TCF23: variants seen among roughly 807,000 people sequenced by gnomAD.
TCF23 encodes transcription factor 23, also known as class A basic helix-loop-helix protein 24.
In TCF23, 7 loss-of-function variants were observed where a neutral mutation model predicts 13.0. That is an observed-to-expected ratio of 0.54 (90% CI 0.31 to 1.01). The LOEUF (loss-of-function observed/expected upper bound fraction) is 1.01, where lower values mean the gene tolerates loss of function less well. TCF23 is among the 50% of genes least tolerant of loss of function. The pLI, the probability that TCF23 is intolerant of heterozygous loss-of-function variation, is 0.06. For missense variants in TCF23, 257 were observed against 289.8 expected (o/e 0.89, Z 0.82); for synonymous variants, 122 against 119.5 (o/e 1.02, Z -0.14).
chr2:27,149,940 C>G, intron 1 of TCF23, 183 bp from the exon 2 acceptor site: 1 of 1,007,254 alleles, frequency 9.9e-7, no homozygotes, highest in East Asian at 2.6e-5. Context: ...GCCAGGCCTT[C>G]CCCCAACTTC....
chr2:27,156,021 G>A lies in TCF23; in HGVS notation c.*3154G>A, dbSNP rs977435540. The A allele has an allele frequency of 1.3e-5, 2 of 152,264 alleles. No individual in the cohort carries two copies. The highest frequency in any genetic ancestry group is 4.8e-5 in the African/African-American group (2 of 41,420). The allele number at this position is 152,264 out of a possible 1,614,324, so 9.4% of individuals were successfully genotyped here. A position where few individuals can be genotyped will look rare whatever the true frequency, so the allele number is the denominator to read the frequency against. ...TTCTGAGGAACAGGATGGCAGGGTG[G>A]AGGCTTAGATGGGGCTGTGGGGCTG... On this transcript the variant is annotated 3_prime_UTR_variant, in exon 3 of 3. Coordinates refer to ENST00000296096, the MANE Select transcript of TCF23 (RefSeq NM_175769.3).
Position 27,149,108 on chromosome 2 carries a change from G to A in TCF23, c.-26G>A. 6.5e-7 allele frequency: 1 copy of A among 1,546,624 alleles called. No individual in the cohort carries two copies. On this transcript the variant is annotated 5_prime_UTR_variant, in exon 1 of 3. In the 5' UTR this introduces an upstream ATG that the reference lacks. Coordinates refer to ENST00000296096, the MANE Select transcript of TCF23 (RefSeq NM_175769.3). ...TCCTCAGGCACTGTGTTTCTGCTCT[G>A]TGGGCTGCAGCCCCAGTGGGGTGGC...
In TCF23 at chr2:27,150,325, C is replaced by T. The variant is rs533332704; in HGVS notation, c.425C>T (p.Pro142Leu). ...LGHELPGPAW[P>L]PFLRGLRYLH... ...CACGAGTTGCCTGGCCCTGCCTGGC[C>T]GCCCTTCCTGCGTGGACTCCGCTAC... The change falls in exon 2 of 3, where the codon CCG becomes CTG. Residue 142 changes from proline to leucine, a missense_variant. Coordinates refer to ENST00000296096, the MANE Select transcript of TCF23 (RefSeq NM_175769.3). The surrounding 1 kb of genome is among the most constrained non-coding windows in gnomAD (Gnocchi z 4.1). 9.2e-5 allele frequency: 148 copies of T among 1,613,682 alleles called. No individual in the cohort carries two copies. Among genetic ancestry groups the T allele is most frequent in the Non-Finnish European group, 1.1e-4 (134 of 1,179,992 alleles).
Position 27,153,074 on chromosome 2 carries a change from G to C in TCF23, c.*207G>C. On this transcript the variant is annotated 3_prime_UTR_variant, in exon 3 of 3. Transcript: ENST00000296096. ...AGAGCCTCCTCCTTGGTCCCCAGGA[G>C]GGGACTTCCCCATGGCTCTTCTGTG... is the stretch of plus-strand genomic sequence containing the variant. 5.7e-6 allele frequency: 7 copies of C among 1,235,168 alleles called. No individual in the cohort carries two copies. The highest frequency in any genetic ancestry group is 7.4e-6 in the Non-Finnish European group (7 of 950,224). The allele number at this position is 1,235,168 out of a possible 1,614,324, so 76.5% of individuals were successfully genotyped here.
intron 1 of TCF23, 130 bp from the exon 2 acceptor site, chr2:27,149,993 G>A (rs1300694039): frequency 7.0e-7 from 1 of 1,438,546 alleles, no homozygotes; most frequent in Non-Finnish European, 9.3e-7. Context: ...ACGTAGGTGG[G>A]CAGAGGCCCT....
In TCF23 at chr2:27,153,356, G is replaced by A. The variant is rs2148430658; in HGVS notation, c.*489G>A. The stretch of plus-strand genomic sequence containing the variant: ...ACAGCCAGAGGGGAAACTGAAGAAG[G>A]AAATGTGCTTTCTAACTGCATCATG... On this transcript the variant is annotated 3_prime_UTR_variant, in exon 3 of 3. Coordinates refer to ENST00000296096, the MANE Select transcript of TCF23 (RefSeq NM_175769.3). 1 of 154,078 alleles carries A rather than the reference G, an allele frequency of 6.5e-6. No homozygotes were observed. The highest frequency in any genetic ancestry group is 1.4e-5 in the Non-Finnish European group (1 of 69,346). 9.5% of individuals were successfully genotyped at this position (154,078 alleles called of 1,614,324 possible).
At chr2:27,151,592 C>T (rs1382524022) in intron 2 of TCF23, among the ~76,000 whole-genome samples, 1 of 151,954 alleles carries the variant, frequency 6.6e-6, no homozygotes, top group African/African-American at 2.4e-5. Context: ...CTACGGCCTC[C>T]CAAAGTGCTG....
chr2:27,150,074 G>C lies in TCF23; in HGVS notation c.223-49G>C. 1 of 1,568,320 alleles carries C rather than the reference G, an allele frequency of 6.4e-7. No homozygotes were observed. Among genetic ancestry groups the C allele is most frequent in the Non-Finnish European group, 8.6e-7 (1 of 1,159,168 alleles). Reference sequence around the variant, plus strand: ...GTGCTCAAACGCTCTCAGAAGTCAGGGCAGTTGGGAGTCCAGGTCACACAC... The same window carrying C: ...GTGCTCAAACGCTCTCAGAAGTCAGCGCAGTTGGGAGTCCAGGTCACACAC... On this transcript the variant is annotated intron_variant, in intron 1 of 2. Transcript: ENST00000296096. The surrounding 1 kb of genome is among the most constrained non-coding windows in gnomAD (Gnocchi z 4.1).
chr2:27,151,215 G>A (rs1197406527), intron 2 of TCF23, among the ~76,000 whole-genome samples: 1 of 152,146 alleles, frequency 6.6e-6, no homozygotes, highest in Non-Finnish European at 1.5e-5. Context: ...CAGTCTCCAG[G>A]GACAGCGCCA....
rs1672717822 is a variant in TCF23, at chr2:27,149,128, G to A, written c.-6G>A. 1 of 1,549,402 alleles carries A rather than the reference G, an allele frequency of 6.5e-7. No homozygotes were observed. The highest frequency in any genetic ancestry group is 8.7e-7 in the Non-Finnish European group (1 of 1,146,820). Reference sequence around the variant, plus strand: ...GCTCTGTGGGCTGCAGCCCCAGTGGGGTGGCATGTCACAGAGGAAGGCCAG... The same window carrying A: ...GCTCTGTGGGCTGCAGCCCCAGTGGAGTGGCATGTCACAGAGGAAGGCCAG... On this transcript the variant is annotated 5_prime_UTR_variant, in exon 1 of 3. Transcript: ENST00000296096.
chr2:27,149,204 C>A lies in TCF23; in HGVS notation c.71C>A (p.Ala24Glu). 2.6e-6 allele frequency: 4 copies of A among 1,554,776 alleles called. No individual in the cohort carries two copies. The highest frequency in any genetic ancestry group is 3.5e-6 in the Non-Finnish European group (4 of 1,149,024). The change falls in exon 1 of 3, where the codon GCA (alanine) becomes GAA (glutamate). Residue 24 changes from alanine (A) to glutamate (E), a missense_variant. Ala to Glu is a moderately radical substitution (Grantham distance 107, BLOSUM62 -1). Coordinates refer to ENST00000296096, the MANE Select transcript of TCF23 (RefSeq NM_175769.3). The stretch of plus-strand genomic sequence containing the variant: ...GGGCATAGCCAGACTCAGGCCAAAG[C>A]ACGGTTGCTGCCAGGCGCTGACAGG... The part of the protein sequence containing the change: ...GVGHSQTQAK[A>E]RLLPGADRKR...
In TCF23 at chr2:27,150,850, A is replaced by G. The variant is rs1672751480; in HGVS notation, c.465+485A>G. ...AACCAAGCTGGGGGAGTTAGCAGGC[A>G]GCAGTACAGGGAAGGCGCGCACCAC... On this transcript the variant is annotated intron_variant, in intron 2 of 2. Transcript: ENST00000296096. The surrounding 1 kb of genome is among the most constrained non-coding windows in gnomAD (Gnocchi z 4.1). Among the ~76,000 whole-genome samples the G allele has an allele frequency of 6.6e-6, 1 of 152,180 alleles. No individual in the cohort carries two copies. Among genetic ancestry groups the G allele is most frequent in the Admixed American group, 6.5e-5 (1 of 15,278 alleles).
chr2:27,153,729 G>A lies in TCF23; in HGVS notation c.*862G>A, dbSNP rs1391703061. The A allele has an allele frequency of 6.6e-6, 1 of 152,118 alleles. No homozygotes were observed. The highest frequency in any genetic ancestry group is 1.5e-5 in the Non-Finnish European group (1 of 68,052). 9.4% of individuals were successfully genotyped at this position (152,118 alleles called of 1,614,324 possible). ...CAGGTTAAGCCATACATCTTGCATTGCTTACATTCCAGTTTCCAGAGAAAC... is the reference window on the plus strand; with the variant it reads ...CAGGTTAAGCCATACATCTTGCATTACTTACATTCCAGTTTCCAGAGAAAC... On this transcript the variant is annotated 3_prime_UTR_variant, in exon 3 of 3. Coordinates refer to ENST00000296096, the MANE Select transcript of TCF23 (RefSeq NM_175769.3).
chr2:27,152,883 T>C lies in TCF23; in HGVS notation c.*16T>C. On this transcript the variant is annotated 3_prime_UTR_variant, in exon 3 of 3. Coordinates refer to ENST00000296096, the MANE Select transcript of TCF23 (RefSeq NM_175769.3). ...TGACAAATAATTATCACACTCGCCC[T>C]TTTCTCCTAGACTGTGACTCATGCT... 1.2e-6 allele frequency: 2 copies of C among 1,606,884 alleles called. No individual in the cohort carries two copies. The highest frequency in any genetic ancestry group is 1.3e-5 in the African/African-American group (1 of 74,906).
rs1672783977 is a variant in TCF23, at chr2:27,153,002, G to A, written c.*135G>A. On this transcript the variant is annotated 3_prime_UTR_variant, in exon 3 of 3. Transcript: ENST00000296096. ...AGTTCCAGCATGCAGACCAAGAGAAGCAGTAGCACTTCTGTGATGGACAGT... is the reference window on the plus strand; with the variant it reads ...AGTTCCAGCATGCAGACCAAGAGAAACAGTAGCACTTCTGTGATGGACAGT... 2.0e-6 allele frequency: 3 copies of A among 1,501,300 alleles called. No individual in the cohort carries two copies. Among genetic ancestry groups the A allele is most frequent in the East Asian group, 2.3e-5 (1 of 43,754 alleles). 93.0% of individuals were successfully genotyped at this position (1,501,300 alleles called of 1,614,324 possible).
intron 1 of TCF23, 169 bp from the exon 2 acceptor site, chr2:27,149,954 A>C (rs1672733881): frequency 8.6e-7 from 1 of 1,156,546 alleles, no homozygotes; most frequent in Non-Finnish European, 1.2e-6. Context: ...CAACTTCCTC[A>C]GCTGTGAAAC....
At position 27,154,180 on chromosome 2, in the gene TCF23, T is replaced by C. The variant is rs1459373105; in HGVS notation, c.*1313T>C. On this transcript the variant is annotated 3_prime_UTR_variant, in exon 3 of 3. Coordinates refer to ENST00000296096, the MANE Select transcript of TCF23 (RefSeq NM_175769.3). ...CTTCGGTGAAACTCATCTCTGGCCC[T>C]AAAGAAATAACTTGAGGACTAATCA... The C allele has an allele frequency of 6.6e-6, 1 of 152,236 alleles. No homozygotes were observed. The highest frequency in any genetic ancestry group is 1.5e-5 in the Non-Finnish European group (1 of 68,038). 9.4% of individuals were successfully genotyped at this position (152,236 alleles called of 1,614,324 possible).
intron 1 of TCF23, chr2:27,149,681 G>C (rs1210938180): frequency 1.7e-6 from 1 of 597,958 alleles, no homozygotes; most frequent in Non-Finnish European, 3.2e-6. Context: ...TTTGACCCCT[G>C]GTTCTGTGTC....
Position 27,150,552 on chromosome 2 carries a change from C to T in TCF23, c.465+187C>T, listed in dbSNP as rs1207815066. ...GCTGACCCTTGGGGCTGCGCTGACC[C>T]TGGGTTTCTCATGGGAGTGTGGCTG... On this transcript the variant is annotated intron_variant, in intron 2 of 2. Transcript: ENST00000296096. This position sits in a 1 kb window ranked among gnomAD's most constrained non-coding sequence, Gnocchi z 4.1. 6.6e-6 allele frequency among the ~76,000 whole-genome samples: 1 copy of T among 152,156 alleles called. No individual in the cohort carries two copies. Among genetic ancestry groups the T allele is most frequent in the African/African-American group, 2.4e-5 (1 of 41,436 alleles).
Sources: gnomAD v4.1 joint callset for allele counts (sites outside exome capture counted in the v4.1 genomes callset) on GRCh38, gnomAD v4.1.1 for gene constraint, Gnocchi (gnomAD v3.1) non-coding constraint, MANE v1.5 for transcripts, NCBI Gene and HGNC (gene_info 2026-07-23, HGNC 2026-07-21) for gene names.